H2AC12: variants seen among roughly 807,000 people sequenced by gnomAD.
H2AC12 encodes the protein histone H2A type 1-H.
H2AC12 carries 9 observed loss-of-function variants against 5.8 expected under a neutral mutation model. The ratio of observed to expected loss-of-function variants is 1.56; its 90% CI spans 0.94 to 2.71. H2AC12 has a LOEUF of 2.71. Among genes scored for constraint, H2AC12 ranks in the 30% most tolerant of loss-of-function variants. The pLI is 0.00. For missense variants in H2AC12, 232 were observed against 173.1 expected, an observed-to-expected ratio of 1.34 and a Z score of -1.91; for synonymous variants, 158 against 78.1, an observed-to-expected ratio of 2.02 and a Z score of -5.39.
In H2AC12 at chr6:27,147,417, C is replaced by T. The variant is rs368249959; in HGVS notation, c.289C>T (p.Leu97=). 3.1e-6 allele frequency: 5 copies of T among 1,614,242 alleles called. No individual in the cohort carries two copies. The highest frequency in any genetic ancestry group is 4.2e-6 in the Non-Finnish European group (5 of 1,180,050). The change falls in exon 1 of 1, where the codon CTG becomes TTG. Residue 97 remains leucine (L), a synonymous_variant. Coordinates refer to ENST00000377459, the MANE Select transcript of H2AC12 (RefSeq NM_080596.3). ...AIRNDEELNK[L]LGKVTIAQGG... is the part of the protein sequence containing the mutation. ...CCGCAACGACGAGGAGCTCAACAAG[C>T]TGCTGGGCAAAGTCACCATCGCGCA...
Position 27,147,171 on chromosome 6 carries a change from G to T in H2AC12, c.43G>T (p.Ala15Ser). ...GCAAGGCGGTAAAGCTCGCGCCAAG[G>T]CCAAGACCCGCTCTTCTCGGGCTGG... ...GKQGGKARAK[A>S]KTRSSRAGLQ... Residue 15 changes from alanine to serine, a missense_variant, in exon 1 of 1, where the codon GCC becomes TCC. Physicochemically the swap from Ala to Ser is moderately conservative, Grantham distance 99 (BLOSUM62 1). Transcript: ENST00000377459. The T allele has an allele frequency of 2.5e-6, 4 of 1,613,762 alleles. No individual in the cohort carries two copies. The highest frequency in any genetic ancestry group is 4.5e-5 in the East Asian group (2 of 44,874).
chr6:27,147,282 C>G lies in H2AC12; in HGVS notation c.154C>G (p.Leu52Val). ...ERVGAGAPVYLAAVLEYLTAE... is the reference protein window; with the variant it reads ...ERVGAGAPVYVAAVLEYLTAE... ...GGTTGGAGCCGGCGCGCCAGTGTACCTGGCTGCGGTGCTGGAGTACCTGAC... is the reference window on the plus strand; with the variant it reads ...GGTTGGAGCCGGCGCGCCAGTGTACGTGGCTGCGGTGCTGGAGTACCTGAC... The change falls in exon 1 of 1, where the codon CTG becomes GTG. Residue 52 changes from leucine to valine, a missense_variant. Leu to Val is a conservative substitution (Grantham distance 32, BLOSUM62 1). Coordinates refer to ENST00000377459, the MANE Select transcript of H2AC12 (RefSeq NM_080596.3). The G allele has an allele frequency of 1.9e-6, 3 of 1,614,180 alleles. No homozygotes were observed. Among genetic ancestry groups the G allele is most frequent in the South Asian group, 1.1e-5 (1 of 91,088 alleles).
Position 27,147,144 on chromosome 6 carries a change from A to T in H2AC12, c.16A>T (p.Lys6Ter). The change falls in exon 1 of 1, where the codon AAG becomes TAG. Residue 6 changes from lysine to a stop codon, truncating the protein, a stop_gained. Transcript: ENST00000377459. LOFTEE classifies it high-confidence loss of function. ...TGTGACCAGTATGTCTGGACGTGGCAAGCAAGGCGGTAAAGCTCGCGCCAA... is the reference window on the plus strand; with the variant it reads ...TGTGACCAGTATGTCTGGACGTGGCTAGCAAGGCGGTAAAGCTCGCGCCAA... MSGRG[K>*]QGGKARAKAK... 6.2e-7 allele frequency: 1 copy of T among 1,611,930 alleles called. No individual in the cohort carries two copies. The highest frequency in any genetic ancestry group is 8.5e-7 in the Non-Finnish European group (1 of 1,178,688).
rs371828841 is a variant in H2AC12, at chr6:27,147,561, C to T, written c.*46C>T. On this transcript the variant is annotated 3_prime_UTR_variant, in exon 1 of 1. Coordinates refer to ENST00000377459, the MANE Select transcript of H2AC12 (RefSeq NM_080596.3). ...GGAAAACAAAGGCTCTTTTCAGAGC[C>T]ATTCTACACTGTCTTAGAGAAAGCT... 251 of 1,595,926 alleles carry T rather than the reference C, an allele frequency of 1.6e-4. No individual in the cohort carries two copies. Among genetic ancestry groups the T allele is most frequent in the African/African-American group, 4.2e-4 (31 of 74,378 alleles).
At position 27,147,419 on chromosome 6, in the gene H2AC12, G is replaced by A. The variant is rs148120638; in HGVS notation, c.291G>A (p.Leu97=). 25 of 1,614,122 alleles carry A rather than the reference G, an allele frequency of 1.5e-5. No individual in the cohort carries two copies. Among genetic ancestry groups the A allele is most frequent in the Non-Finnish European group, 1.9e-5 (23 of 1,180,046 alleles). ...AIRNDEELNK[L]LGKVTIAQGG... The stretch of plus-strand genomic sequence containing the variant: ...GCAACGACGAGGAGCTCAACAAGCT[G>A]CTGGGCAAAGTCACCATCGCGCAGG... The change falls in exon 1 of 1, where the codon CTG becomes CTA. Residue 97 remains leucine, a synonymous_variant. Transcript: ENST00000377459.
rs755620720 is a variant in H2AC12, at chr6:27,147,110, T to G, written c.-19T>G. The G allele has an allele frequency of 6.3e-7, 1 of 1,579,396 alleles. No individual in the cohort carries two copies. Among genetic ancestry groups the G allele is most frequent in the South Asian group, 1.2e-5 (1 of 86,466 alleles). Reference sequence around the variant, plus strand: ...CGCTGCCTTTCCTCGTTGGCTACTTTCAGTAAGTTGTGACCAGTATGTCTG... The same window carrying G: ...CGCTGCCTTTCCTCGTTGGCTACTTGCAGTAAGTTGTGACCAGTATGTCTG... On this transcript the variant is annotated 5_prime_UTR_variant, in exon 1 of 1. Coordinates refer to ENST00000377459, the MANE Select transcript of H2AC12 (RefSeq NM_080596.3).
Position 27,147,381 on chromosome 6 carries a change from C to T in H2AC12, c.253C>T (p.Gln85Ter), listed in dbSNP as rs143700242. 5.2e-4 allele frequency: 838 copies of T among 1,614,224 alleles called. No individual in the cohort carries two copies. Among genetic ancestry groups the T allele is most frequent in the Non-Finnish European group, 6.1e-4 (718 of 1,180,044 alleles). ...KKTRIIPRHL[Q>*]LAIRNDEELN... Reference sequence around the variant, plus strand: ...GACCCGTATCATCCCGCGTCACCTCCAACTGGCCATCCGCAACGACGAGGA... The same window carrying T: ...GACCCGTATCATCCCGCGTCACCTCTAACTGGCCATCCGCAACGACGAGGA... The change falls in exon 1 of 1, where the codon CAA becomes TAA. Residue 85 changes from glutamine to a stop codon, truncating the protein, a stop_gained. Coordinates refer to ENST00000377459, the MANE Select transcript of H2AC12 (RefSeq NM_080596.3). LOFTEE classifies it high-confidence loss of function.
Position 27,147,290 on chromosome 6 carries a change from G to A in H2AC12, c.162G>A (p.Ala54=), listed in dbSNP as rs7756481. Residue 54 remains alanine, a synonymous_variant, in exon 1 of 1, where the codon GCG becomes GCA. Coordinates refer to ENST00000377459, the MANE Select transcript of H2AC12 (RefSeq NM_080596.3). The part of the protein sequence containing the change: ...VGAGAPVYLA[A]VLEYLTAEIL... Reference sequence around the variant, plus strand: ...CCGGCGCGCCAGTGTACCTGGCTGCGGTGCTGGAGTACCTGACCGCTGAGA... The same window carrying A: ...CCGGCGCGCCAGTGTACCTGGCTGCAGTGCTGGAGTACCTGACCGCTGAGA... The A allele has an allele frequency of 1.9e-6, 3 of 1,613,974 alleles. No individual in the cohort carries two copies. The highest frequency in any genetic ancestry group is 2.5e-6 in the Non-Finnish European group (3 of 1,179,994).
rs1760116820 is a variant in H2AC12, at chr6:27,147,254, G to C, written c.126G>C (p.Glu42Asp). 6.2e-7 allele frequency: 1 copy of C among 1,614,048 alleles called. No homozygotes were observed. Among genetic ancestry groups the C allele is most frequent in the Non-Finnish European group, 8.5e-7 (1 of 1,180,034 alleles). ...TGCTCCGCAAGGGTAATTATGCCGA[G>C]CGGGTTGGAGCCGGCGCGCCAGTGT... ...HRLLRKGNYAERVGAGAPVYL... is the reference protein window; with the variant it reads ...HRLLRKGNYADRVGAGAPVYL... The change falls in exon 1 of 1, where the codon GAG (glutamate) becomes GAC (aspartate). Residue 42 changes from glutamate to aspartate, a missense_variant. Transcript: ENST00000377459.
chr6:27,147,470 C>G lies in H2AC12; in HGVS notation c.342C>G (p.Ala114=), dbSNP rs574744122. 2.4e-5 allele frequency: 38 copies of G among 1,614,172 alleles called. No individual in the cohort carries two copies. The highest frequency in any genetic ancestry group is 7.7e-5 in the South Asian group (7 of 91,084). ...GTGGTGTCTTGCCCAATATCCAGGC[C>G]GTGCTGCTGCCTAAGAAGACTGAGA... ...AQGGVLPNIQ[A]VLLPKKTESH... is the part of the protein sequence containing the mutation. Residue 114 remains alanine (A), a synonymous_variant, in exon 1 of 1, where the codon GCC becomes GCG. Transcript: ENST00000377459.
rs142311023 is a variant in H2AC12 at position 27,147,327 on chromosome 6, G to C, written c.199G>C (p.Ala67Pro). 1.9e-6 allele frequency: 3 copies of C among 1,614,172 alleles called. No individual in the cohort carries two copies. The highest frequency in any genetic ancestry group is 2.5e-6 in the Non-Finnish European group (3 of 1,180,018). ...CCTGACCGCTGAGATCCTGGAGCTG[G>C]CTGGCAATGCGGCCCGCGACAACAA... is the stretch of plus-strand genomic sequence containing the variant. ...EYLTAEILELAGNAARDNKKT... is the reference protein window; with the variant it reads ...EYLTAEILELPGNAARDNKKT... Residue 67 changes from alanine (A) to proline (P), a missense_variant, in exon 1 of 1, where the codon GCT becomes CCT. Ala to Pro is a conservative substitution (Grantham distance 27). Coordinates refer to ENST00000377459, the MANE Select transcript of H2AC12 (RefSeq NM_080596.3).
rs748610007 is a variant in H2AC12, at chr6:27,147,216, C to T, written c.88C>T (p.Arg30Ter). 20 of 1,614,032 alleles carry T rather than the reference C, an allele frequency of 1.2e-5. No individual in the cohort carries two copies. The highest frequency in any genetic ancestry group is 3.3e-5 in the Admixed American group (2 of 60,008). The change falls in exon 1 of 1, where the codon CGA (arginine) becomes TGA (stop). Residue 30 changes from arginine to a stop codon, truncating the protein, a stop_gained. Coordinates refer to ENST00000377459, the MANE Select transcript of H2AC12 (RefSeq NM_080596.3). LOFTEE classifies it high-confidence loss of function. ...GGCTGGGCTTCAGTTCCCCGTGGGC[C>T]GAGTGCACCGCCTGCTCCGCAAGGG... is the stretch of plus-strand genomic sequence containing the variant. ...SRAGLQFPVG[R>*]VHRLLRKGNY...
chr6:27,147,111 C>CA lies in H2AC12; in HGVS notation c.-17dup, dbSNP rs141253641. The CA allele has an allele frequency of 0.032, 50,242 of 1,582,186 alleles. 899 individuals carry two copies. Among genetic ancestry groups the CA allele is most frequent in the South Asian group, 0.048 (4,191 of 86,794 alleles). ...GCTGCCTTTCCTCGTTGGCTACTTT[C>CA]AGTAAGTTGTGACCAGTATGTCTGG... On this transcript the variant is annotated 5_prime_UTR_variant, in exon 1 of 1. Transcript: ENST00000377459.
Position 27,147,137 on chromosome 6 carries a change from A to C in H2AC12, c.9A>C (p.Gly3=). 6.2e-7 allele frequency: 1 copy of C among 1,611,042 alleles called. No individual in the cohort carries two copies. Among genetic ancestry groups the C allele is most frequent in the Non-Finnish European group, 8.5e-7 (1 of 1,178,198 alleles). Residue 3 remains glycine (G), a synonymous_variant, in exon 1 of 1, where the codon GGA becomes GGC. Coordinates refer to ENST00000377459, the MANE Select transcript of H2AC12 (RefSeq NM_080596.3). MS[G]RGKQGGKARA... ...AGTAAGTTGTGACCAGTATGTCTGG[A>C]CGTGGCAAGCAAGGCGGTAAAGCTC...
Position 27,147,519 on chromosome 6 carries a change from G to T in H2AC12, c.*4G>T. ...GAGCCACCATAAGGCCAAATAAGGAGCGAGGTTGTGAAAACTGGAAAACAA... is the reference window on the plus strand; with the variant it reads ...GAGCCACCATAAGGCCAAATAAGGATCGAGGTTGTGAAAACTGGAAAACAA... On this transcript the variant is annotated 3_prime_UTR_variant, in exon 1 of 1. Coordinates refer to ENST00000377459, the MANE Select transcript of H2AC12 (RefSeq NM_080596.3). 1 of 1,613,406 alleles carries T rather than the reference G, an allele frequency of 6.2e-7. No individual in the cohort carries two copies. The highest frequency in any genetic ancestry group is 8.5e-7 in the Non-Finnish European group (1 of 1,179,634).
Position 27,147,159 on chromosome 6 carries a change from G to C in H2AC12, c.31G>C (p.Ala11Pro). The change falls in exon 1 of 1, where the codon GCT becomes CCT. Residue 11 changes from alanine (A) to proline (P), a missense_variant. Ala to Pro is a conservative substitution (Grantham distance 27). Transcript: ENST00000377459. Reference sequence around the variant, plus strand: ...TGGACGTGGCAAGCAAGGCGGTAAAGCTCGCGCCAAGGCCAAGACCCGCTC... The same window carrying C: ...TGGACGTGGCAAGCAAGGCGGTAAACCTCGCGCCAAGGCCAAGACCCGCTC... Reference protein sequence around the residue: MSGRGKQGGKARAKAKTRSSR... With the variant: MSGRGKQGGKPRAKAKTRSSR... 6.2e-7 allele frequency: 1 copy of C among 1,613,114 alleles called. No homozygotes were observed. Among genetic ancestry groups the C allele is most frequent in the Non-Finnish European group, 8.5e-7 (1 of 1,179,402 alleles).
In H2AC12 at chr6:27,147,142, G is replaced by A. The variant is rs1376560190; in HGVS notation, c.14G>A (p.Gly5Asp). The stretch of plus-strand genomic sequence containing the variant: ...GTTGTGACCAGTATGTCTGGACGTG[G>A]CAAGCAAGGCGGTAAAGCTCGCGCC... MSGR[G>D]KQGGKARAKA... Residue 5 changes from glycine (G) to aspartate (D), a missense_variant, in exon 1 of 1, where the codon GGC becomes GAC. Physicochemically the swap from Gly to Asp is moderately conservative, Grantham distance 94. Transcript: ENST00000377459. 1 of 1,611,488 alleles carries A rather than the reference G, an allele frequency of 6.2e-7. No homozygotes were observed. Among genetic ancestry groups the A allele is most frequent in the Non-Finnish European group, 8.5e-7 (1 of 1,178,454 alleles).
Position 27,147,135 on chromosome 6 carries a change from G to A in H2AC12, c.7G>A (p.Gly3Arg), listed in dbSNP as rs753339273. ...TCAGTAAGTTGTGACCAGTATGTCT[G>A]GACGTGGCAAGCAAGGCGGTAAAGC... MS[G>R]RGKQGGKARA... Residue 3 changes from glycine (G) to arginine (R), a missense_variant, in exon 1 of 1, where the codon GGA (glycine) becomes AGA (arginine). Gly to Arg is a moderately radical substitution (Grantham distance 125). Transcript: ENST00000377459. 2.5e-6 allele frequency: 4 copies of A among 1,610,766 alleles called. No homozygotes were observed. The highest frequency in any genetic ancestry group is 1.3e-5 in the African/African-American group (1 of 74,896).
chr6:27,147,532 A>C lies in H2AC12; in HGVS notation c.*17A>C, dbSNP rs531227557. The C allele has an allele frequency of 3.7e-6, 6 of 1,612,600 alleles. No individual in the cohort carries two copies. The African/African-American group carries it at 8.0e-5, about 22-fold the overall frequency. The stretch of plus-strand genomic sequence containing the variant: ...GCCAAATAAGGAGCGAGGTTGTGAA[A>C]ACTGGAAAACAAAGGCTCTTTTCAG... On this transcript the variant is annotated 3_prime_UTR_variant, in exon 1 of 1. Coordinates refer to ENST00000377459, the MANE Select transcript of H2AC12 (RefSeq NM_080596.3).
Sources: allele counts gnomAD v4.1 joint callset, GRCh38; gene constraint gnomAD v4.1.1; transcripts MANE v1.5; gene names NCBI Gene and HGNC (gene_info 2026-07-23, HGNC 2026-07-21).